MGAT4C: variants seen among roughly 807,000 people sequenced by gnomAD.
MGAT4C encodes alpha-1,3-mannosyl-glycoprotein 4-beta-N-acetylglucosaminyltransferase C.
In MGAT4C, 19 loss-of-function variants were observed where a neutral mutation model predicts 40.1. The observed-to-expected ratio is 0.47, with a 90% confidence interval of 0.33 to 0.70. MGAT4C has a LOEUF of 0.70. Among genes scored for constraint, MGAT4C ranks in the 30% least tolerant of loss-of-function variants. MGAT4C has a pLI of 0.02. For missense variants in MGAT4C, 491 were observed against 563.2 expected (o/e 0.87, Z 1.30); for synonymous variants, 181 against 187.1 (o/e 0.97, Z 0.27).
chr12:86,422,739 T>C (rs1956851688), intron 3 of MGAT4C, among the ~76,000 whole-genome samples: 1 of 152,222 alleles, frequency 6.6e-6, no homozygotes, highest in East Asian at 1.9e-4. Flanking sequence ...TAAAATTCAA[T>C]TGTACTGGCA....
At chr12:86,203,049 T>C in intron 1 of MGAT4C, among the ~76,000 whole-genome samples, 1 of 150,624 alleles carries the variant, frequency 6.6e-6, no homozygotes, top group South Asian at 2.1e-4. Flanking sequence ...TGTGTGTGTG[T>C]GTGTGTTTTT....
chr12:86,432,579 T>G (rs1957060906), intron 3 of MGAT4C, among the ~76,000 whole-genome samples: 1 of 151,892 alleles, frequency 6.6e-6, no homozygotes, highest in Non-Finnish European at 1.5e-5. Flanking sequence ...AGAAGTGCAG[T>G]GTGAGGGCAG....
intron 4 of MGAT4C, among the ~76,000 whole-genome samples, chr12:86,303,581 C>G (rs1230631968): frequency 6.7e-6 from 1 of 148,954 alleles, no homozygotes; most frequent in Non-Finnish European, 1.5e-5. Flanking sequence ...AATAAAACTA[C>G]TGCAATCCAG....
intron 2 of MGAT4C, among the ~76,000 whole-genome samples, chr12:86,499,862 A>T (rs1958307090): frequency 6.6e-6 from 1 of 151,996 alleles, no homozygotes; most frequent in African/African-American, 2.4e-5. Context: ...CAGAGAGTAT[A>T]TACAGCCAAA....
rs764935665 is a variant in MGAT4C at position 85,979,771 on chromosome 12, T to C, written c.955A>G (p.Lys319Glu). The C allele has an allele frequency of 5.6e-6, 9 of 1,613,642 alleles. No individual in the cohort carries two copies. The Admixed American group carries it at 1.3e-4, about 24-fold the overall frequency. Reference sequence around the variant, plus strand: ...TCCTTCAGCTTATTCTCCGTCCCTTTGTATGATGAATAATAGCCCATGTGC... The same window carrying C: ...TCCTTCAGCTTATTCTCCGTCCCTTCGTATGATGAATAATAGCCCATGTGC... ...FQHMGYYSSYKGTENKLKDDD... is the reference protein window; with the variant it reads ...FQHMGYYSSYEGTENKLKDDD... The change falls in exon 5 of 5, where the codon AAA becomes GAA. Residue 319 changes from lysine to glutamate, a missense_variant. Physicochemically the swap from Lys to Glu is moderately conservative, Grantham distance 56. Coordinates refer to ENST00000611864, the MANE Select transcript of MGAT4C (RefSeq NM_001351288.2).
intron 3 of MGAT4C, among the ~76,000 whole-genome samples, chr12:86,341,656 A>T (rs61050520): frequency 2.6e-5 from 4 of 152,026 alleles, no homozygotes; most frequent in African/African-American, 9.7e-5. Flanking sequence ...GCTGTTCAGG[A>T]GCCTTTGCCA....
intron 2 of MGAT4C, among the ~76,000 whole-genome samples, chr12:86,545,307 A>T (rs1959187690): frequency 6.6e-6 from 1 of 152,044 alleles, no homozygotes; most frequent in African/African-American, 2.4e-5. Flanking sequence ...ATGCAATAGC[A>T]ATTAGATAAT....
intron 2 of MGAT4C, among the ~76,000 whole-genome samples, chr12:86,585,456 T>C (rs1960976174): frequency 6.6e-6 from 1 of 151,472 alleles, no homozygotes; most frequent in Admixed American, 6.6e-5. Flanking sequence ...AATGATACTA[T>C]AAAAACATAT....
chr12:86,021,931 A>G (rs1889774184), intron 2 of MGAT4C, among the ~76,000 whole-genome samples: 1 of 152,196 alleles, frequency 6.6e-6, no homozygotes, highest in Admixed American at 6.5e-5. Flanking sequence ...ACTACCAAAT[A>G]ACAAATTTGG....
chr12:86,806,486 A>G (rs1406128817), intron 1 of MGAT4C, among the ~76,000 whole-genome samples: 1 of 151,766 alleles, frequency 6.6e-6, no homozygotes, highest in Non-Finnish European at 1.5e-5. Flanking sequence ...GTAGTTCTAT[A>G]TAACTTTACC....
At chr12:86,272,559 T>TA (rs1438206557) in intron 4 of MGAT4C, among the ~76,000 whole-genome samples, 1 of 152,122 alleles carries the variant, frequency 6.6e-6, no homozygotes, top group Non-Finnish European at 1.5e-5. Flanking sequence ...TAATGATATC[T>TA]AAAATAAATC....
chr12:86,046,709 C>T (rs1892430140), intron 2 of MGAT4C, among the ~76,000 whole-genome samples: 2 of 152,174 alleles, frequency 1.3e-5, no homozygotes, highest in Admixed American at 1.3e-4. Context: ...CAAGATCAAA[C>T]TTATTTCCAC....
intron 3 of MGAT4C, among the ~76,000 whole-genome samples, chr12:86,365,863 C>T (rs1449555779): frequency 1.3e-5 from 2 of 152,064 alleles, no homozygotes; most frequent in Non-Finnish European, 2.9e-5. Flanking sequence ...ATTGCTTTGG[C>T]TATTTCAGCA....
chr12:86,449,239 G>GTT (rs879892224), intron 2 of MGAT4C, among the ~76,000 whole-genome samples: 1 of 152,124 alleles, frequency 6.6e-6, no homozygotes, highest in Admixed American at 6.6e-5. Context: ...ATATACTGGA[G>GTT]TTTTTTAAGA....
intron 1 of MGAT4C, among the ~76,000 whole-genome samples, chr12:86,050,530 A>G (rs185516101): frequency 6.6e-6 from 1 of 152,044 alleles, no homozygotes; most frequent in African/African-American, 2.4e-5. Context: ...AAGTAACTCT[A>G]AGTAGAACCA....
intron 2 of MGAT4C, among the ~76,000 whole-genome samples, chr12:86,560,517 T>A (rs1959811031): frequency 6.6e-6 from 1 of 152,052 alleles, no homozygotes; most frequent in Non-Finnish European, 1.5e-5. Flanking sequence ...ATCACATTAA[T>A]AAAGGACAAA....
At chr12:86,066,951 G>A (rs1458090166) in intron 1 of MGAT4C, among the ~76,000 whole-genome samples, 1 of 151,954 alleles carries the variant, frequency 6.6e-6, no homozygotes, top group Non-Finnish European at 1.5e-5. Context: ...AAAAATAAAG[G>A]AAAAAAAGCT....
intron 4 of MGAT4C, among the ~76,000 whole-genome samples, chr12:86,285,094 A>G (rs1001947748): frequency 1.2e-4 from 18 of 152,016 alleles, no homozygotes; most frequent in African/African-American, 4.3e-4. Context: ...TTTGAGATCA[A>G]ACACATTTAA....
chr12:86,255,658 T>A (rs1952487251), intron 1 of MGAT4C, among the ~76,000 whole-genome samples: 1 of 152,148 alleles, frequency 6.6e-6, no homozygotes, highest in Non-Finnish European at 1.5e-5. Context: ...ATTCTTAAAA[T>A]TTTTCATTAT....
Sources: gnomAD v4.1 joint callset for allele counts (sites outside exome capture counted in the v4.1 genomes callset) on GRCh38, gnomAD v4.1.1 for gene constraint, MANE v1.5 for transcripts, NCBI Gene and HGNC (gene_info 2026-07-23, HGNC 2026-07-21) for gene names.